The following MMP9 variants were observed in gnomAD, a reference collection of about 807,000 sequenced individuals.
MMP9 encodes matrix metallopeptidase 9, also known as matrix metalloproteinase-9.
MMP9 carries 73 observed loss-of-function variants against 76.4 expected under a neutral mutation model. The ratio of observed to expected loss-of-function variants is 0.96; its 90% CI spans 0.79 to 1.16. MMP9 has a LOEUF of 1.16. Ranked by LOEUF, MMP9 falls within the 50% of genes most tolerant of loss-of-function variation. MMP9 has a pLI of 0.00. For synonymous variants in MMP9, 412 were observed against 408.4 expected, an observed-to-expected ratio of 1.01 and a Z score of -0.11; for missense variants, 943 against 973.0, an observed-to-expected ratio of 0.97 and a Z score of 0.41.
At chr20:46,010,219 C>G in intron 2 of MMP9, 121 bp downstream of exon 2, 1 of 980,996 alleles carries the variant, frequency 1.0e-6, no homozygotes, top group Non-Finnish European at 1.5e-6. Context: ...ATGTGTGGCC[C>G]CTGGGGAGTG....
At chr20:46,015,650 A>C (rs1481436411) in intron 12 of MMP9, among the ~76,000 whole-genome samples, 1 of 151,720 alleles carries the variant, frequency 6.6e-6, no homozygotes, top group Non-Finnish European at 1.5e-5. Context: ...ACGGGGTTTC[A>C]CCATCTTGGC....
intron 11 of MMP9, 36 bp from the exon 12 acceptor site, chr20:46,014,335 C>G (rs913904585): frequency 1.3e-6 from 2 of 1,542,718 alleles, no homozygotes; most frequent in African/African-American, 2.7e-5. Flanking sequence ...GTCCGCTAGC[C>G]GGCTCAGCAC....
At chr20:46,012,664 G>C in intron 8 of MMP9, 82 bp downstream of exon 8, 1 of 1,560,430 alleles carries the variant, frequency 6.4e-7, no homozygotes, top group African/African-American at 1.4e-5. Flanking sequence ...GTTGGGGATC[G>C]GGGGAGGAAC....
Position 46,010,462 on chromosome 20 carries a change from CCTCTGG to C in MMP9, c.372-16_372-11del. ...CCAGCCTTTCACTTCTGACCTCCTT[CCTCTGG>C]CTCTTACGCTACAGGATCCAAAACT... is the stretch of plus-strand genomic sequence containing the variant. On this transcript the variant is annotated splice_polypyrimidine_tract_variant and intron_variant, in intron 2 of 12. Transcript: ENST00000372330. The C allele has an allele frequency of 1.9e-6, 3 of 1,613,770 alleles. No homozygotes were observed. Among genetic ancestry groups the C allele is most frequent in the Non-Finnish European group, 2.5e-6 (3 of 1,180,024 alleles).
rs1358717510 is a variant in MMP9, at chr20:46,014,432, C to T, written c.1963C>T (p.Pro655Ser). 1.3e-6 allele frequency: 2 copies of T among 1,550,514 alleles called. No individual in the cohort carries two copies. The highest frequency in any genetic ancestry group is 1.7e-6 in the Non-Finnish European group (2 of 1,146,984). ...RSASEVDRMF[P>S]GVPLDTHDVF... ...CGCCAGCGAGGTGGACCGGATGTTC[C>T]CCGGGGTGCCTTTGGACACGCACGA... Residue 655 changes from proline (P) to serine (S), a missense_variant, in exon 12 of 13, where the codon CCC becomes TCC. Pro to Ser is a moderately conservative substitution (Grantham distance 74). Coordinates refer to ENST00000372330, the MANE Select transcript of MMP9 (RefSeq NM_004994.3).
intron 12 of MMP9, among the ~76,000 whole-genome samples, chr20:46,015,313 C>T (rs938701830): frequency 6.6e-6 from 1 of 152,234 alleles, no homozygotes; most frequent in African/African-American, 2.4e-5. Flanking sequence ...TCCAGATTGT[C>T]ACTGGGCCAT....
Position 46,011,251 on chromosome 20 carries a change from T to C in MMP9, c.758T>C (p.Leu253Ser). ...ACCACCGACGGTCGCTCCGACGGCTTGCCCTGGTGCAGTACCACGGCCAAC... is the reference window on the plus strand; with the variant it reads ...ACCACCGACGGTCGCTCCGACGGCTCGCCCTGGTGCAGTACCACGGCCAAC... ...ACTTDGRSDG[L>S]PWCSTTANYD... is the part of the protein sequence containing the mutation. Residue 253 changes from leucine to serine, a missense_variant, in exon 5 of 13, where the codon TTG becomes TCG. Coordinates refer to ENST00000372330, the MANE Select transcript of MMP9 (RefSeq NM_004994.3). The C allele has an allele frequency of 6.2e-7, 1 of 1,605,728 alleles. No homozygotes were observed. The highest frequency in any genetic ancestry group is 1.1e-5 in the South Asian group (1 of 90,758).
At position 46,012,323 on chromosome 20, in the gene MMP9, G is replaced by C. The variant is rs982194623; in HGVS notation, c.1174+10G>C. 2.5e-6 allele frequency: 4 copies of C among 1,612,796 alleles called. No homozygotes were observed. The highest frequency in any genetic ancestry group is 3.4e-6 in the Non-Finnish European group (4 of 1,179,922). On this transcript the variant is annotated intron_variant, in intron 7 of 12. Transcript: ENST00000372330. ...TTCTGCCCGGACCAAGGTAGGCGTG[G>C]TCCCGCGGCTCCGGGGCTGGGGTTC...
intron 6 of MMP9, 58 bp from the exon 7 acceptor site, chr20:46,012,079 C>T (rs1284296112): frequency 3.8e-6 from 6 of 1,597,898 alleles, no homozygotes; most frequent in East Asian, 2.2e-5. Context: ...TCGGGTCGGC[C>T]CCTGACTCCT....
Position 46,013,366 on chromosome 20 carries a change from C to T in MMP9, c.1442C>T (p.Pro481Leu). The T allele has an allele frequency of 6.2e-7, 1 of 1,613,490 alleles. No homozygotes were observed. Among genetic ancestry groups the T allele is most frequent in the Non-Finnish European group, 8.5e-7 (1 of 1,179,648 alleles). Residue 481 changes from proline (P) to leucine (L), a missense_variant, in exon 9 of 13, where the codon CCC becomes CTC. Physicochemically the swap from Pro to Leu is moderately conservative, Grantham distance 98. Transcript: ENST00000372330. The surrounding 1 kb of genome is among the most constrained non-coding windows in gnomAD (Gnocchi z 4.5). The stretch of plus-strand genomic sequence containing the variant: ...CCCACTGTCCACCCCTCAGAGCGCC[C>T]CACAGCTGGCCCCACAGGTCCCCCC... The part of the protein sequence containing the change: ...GPPTVHPSER[P>L]TAGPTGPPSA...
intron 1 of MMP9, 58 bp from the exon 2 acceptor site, chr20:46,009,808 C>A: frequency 6.8e-7 from 1 of 1,472,090 alleles, no homozygotes; most frequent in African/African-American, 1.4e-5. Context: ...TCCTTTGGCC[C>A]CAGCTGGGCA....
rs2145456056 is a variant in MMP9, at chr20:46,013,922, T to C, written c.1750+126T>C. The C allele has an allele frequency of 6.8e-7, 1 of 1,466,318 alleles. No homozygotes were observed. Among genetic ancestry groups the C allele is most frequent in the Non-Finnish European group, 9.3e-7 (1 of 1,079,222 alleles). 90.8% of individuals were successfully genotyped at this position (1,466,318 alleles called of 1,614,324 possible). ...AAAATACGCCCCCTGGCGGACGCAG[T>C]TTAGCAAACGTAGGGGCGGCTGAGT... On this transcript the variant is annotated intron_variant, in intron 10 of 12. Transcript: ENST00000372330. This position sits in a 1 kb window ranked among gnomAD's most constrained non-coding sequence, Gnocchi z 4.5.
intron 3 of MMP9, 115 bp from the exon 4 acceptor site, chr20:46,010,807 G>C: frequency 6.3e-7 from 1 of 1,587,544 alleles, no homozygotes; most frequent in South Asian, 1.1e-5. Flanking sequence ...GGCTGGGAGA[G>C]CTTCGCGCAG....
chr20:46,010,814 G>A, intron 3 of MMP9, 108 bp from the exon 4 acceptor site: 3 of 1,593,028 alleles, frequency 1.9e-6, no homozygotes, highest in East Asian at 4.6e-5. Flanking sequence ...AGAGCTTCGC[G>A]CAGGCGGGAT....
At position 46,011,730 on chromosome 20, in the gene MMP9, G is replaced by A. The variant is rs752776370; in HGVS notation, c.980G>A (p.Gly327Asp). 6.2e-7 allele frequency: 1 copy of A among 1,612,434 alleles called. No homozygotes were observed. Among genetic ancestry groups the A allele is most frequent in the South Asian group, 1.1e-5 (1 of 91,068 alleles). ...AACTACGACCGGGACAAGCTCTTCG[G>A]CTTCTGCCCGACCCGAGGTACCTCC... ...TANYDRDKLF[G>D]FCPTRADSTV... Residue 327 changes from glycine (G) to aspartate (D), a missense_variant, in exon 6 of 13, where the codon GGC becomes GAC. Gly to Asp is a moderately conservative substitution (Grantham distance 94, BLOSUM62 -1). Coordinates refer to ENST00000372330, the MANE Select transcript of MMP9 (RefSeq NM_004994.3).
In MMP9 at chr20:46,011,919, G is replaced by A. The variant is rs1044016366; in HGVS notation, c.997+172G>A. On this transcript the variant is annotated intron_variant, in intron 6 of 12. Transcript: ENST00000372330. Reference sequence around the variant, plus strand: ...CCACCACTATCCCTGACTTCCAATGGCCCCGCCCCAGCCACTAAGGTTCGG... The same window carrying A: ...CCACCACTATCCCTGACTTCCAATGACCCCGCCCCAGCCACTAAGGTTCGG... Among the ~76,000 whole-genome samples the A allele has an allele frequency of 3.3e-5, 5 of 152,230 alleles. No individual in the cohort carries two copies. The East Asian group carries it at 9.7e-4, about 29-fold the overall frequency.
In MMP9 at chr20:46,013,279, G is replaced by A. The variant is rs201191171; in HGVS notation, c.1355G>A (p.Arg452Gln). 1.6e-5 allele frequency: 26 copies of A among 1,613,810 alleles called. No individual in the cohort carries two copies. Among genetic ancestry groups the A allele is most frequent in the Non-Finnish European group, 1.9e-5 (23 of 1,179,988 alleles). The change falls in exon 9 of 13, where the codon CGG becomes CAG. Residue 452 changes from arginine (R) to glutamine (Q), a missense_variant. Arg to Gln is a conservative substitution (Grantham distance 43). Coordinates refer to ENST00000372330, the MANE Select transcript of MMP9 (RefSeq NM_004994.3). The surrounding 1 kb of genome is among the most constrained non-coding windows in gnomAD (Gnocchi z 4.5). Reference sequence around the variant, plus strand: ...GGTCCTCGCCCTGAACCTGAGCCACGGCCTCCAACCACCACCACACCGCAG... The same window carrying A: ...GGTCCTCGCCCTGAACCTGAGCCACAGCCTCCAACCACCACCACACCGCAG... ...LYGPRPEPEP[R>Q]PPTTTTPQPT...
At chr20:46,011,492 G>A (rs1193340319) in intron 5 of MMP9, 82 bp from the exon 6 acceptor site, 1 of 1,589,698 alleles carries the variant, frequency 6.3e-7, no homozygotes, top group Non-Finnish European at 8.6e-7. Flanking sequence ...GACCATCCAT[G>A]GGTCAAAGAA....
In MMP9 at chr20:46,013,340, C is replaced by T; in HGVS notation, c.1416C>T (p.Pro472=). 6.2e-7 allele frequency: 1 copy of T among 1,613,606 alleles called. No individual in the cohort carries two copies. The highest frequency in any genetic ancestry group is 8.5e-7 in the Non-Finnish European group (1 of 1,179,682). ...TAPPTVCPTG[P]PTVHPSERPT... is the part of the protein sequence containing the mutation. ...CCCCGACGGTCTGCCCCACCGGACC[C>T]CCCACTGTCCACCCCTCAGAGCGCC... Residue 472 remains proline (P), a synonymous_variant, in exon 9 of 13, where the codon CCC becomes CCT. Coordinates refer to ENST00000372330, the MANE Select transcript of MMP9 (RefSeq NM_004994.3). This position sits in a 1 kb window ranked among gnomAD's most constrained non-coding sequence, Gnocchi z 4.5.
Sources: allele counts gnomAD v4.1 joint callset (sites outside exome capture counted in the v4.1 genomes callset), GRCh38; gene constraint gnomAD v4.1.1; non-coding constraint Gnocchi (gnomAD v3.1); transcripts MANE v1.5; gene names NCBI Gene and HGNC (gene_info 2026-07-23, HGNC 2026-07-21).